XRCC4: variants seen among roughly 807,000 people sequenced by gnomAD.
XRCC4 encodes X-ray repair cross complementing 4, also known as DNA repair protein XRCC4.
In XRCC4, 28 loss-of-function variants were observed where a neutral mutation model predicts 39.1. That is an observed-to-expected ratio of 0.72 (90% CI 0.53 to 0.98). The LOEUF (loss-of-function observed/expected upper bound fraction) is 0.98. XRCC4 is among the 50% of genes least tolerant of loss of function. XRCC4 has a pLI of 0.00. For synonymous variants in XRCC4, 123 were observed against 126.4 expected (o/e 0.97, Z 0.18); for missense variants, 350 against 376.4 (o/e 0.93, Z 0.58).
At chr5:83,357,492 C>T (rs984355113), downstream of XRCC4, among the ~76,000 whole-genome samples, 2 of 151,670 alleles carry the variant, frequency 1.3e-5, no homozygotes, top group African/African-American at 2.4e-5. Flanking sequence ...CTATCTTCCT[C>T]GGATCACATG....
intron 3 of XRCC4, among the ~76,000 whole-genome samples, chr5:83,128,005 T>C (rs1025249645): frequency 1.3e-5 from 2 of 152,018 alleles, no homozygotes; most frequent in African/African-American, 4.8e-5. Flanking sequence ...TATTATACTT[T>C]AAGTTCTAGG....
chr5:83,106,810 A>G (rs1746221097), intron 2 of XRCC4, among the ~76,000 whole-genome samples: 1 of 152,056 alleles, frequency 6.6e-6, no homozygotes, highest in Non-Finnish European at 1.5e-5. Context: ...TACGAAATAC[A>G]TTCTCAATGA....
chr5:83,292,823 CTTAT>C (rs904423926), intron 7 of XRCC4, among the ~76,000 whole-genome samples: 5 of 151,344 alleles, frequency 3.3e-5, no homozygotes, highest in African/African-American at 1.2e-4. Flanking sequence ...ATGCATTTTT[CTTAT>C]TTATTTTCTA....
intron 3 of XRCC4, among the ~76,000 whole-genome samples, chr5:83,131,985 T>G (rs1032948675): frequency 4.6e-5 from 7 of 152,298 alleles, no homozygotes; most frequent in Admixed American, 4.6e-4. Context: ...TCGATGGTCT[T>G]TACAATTTGG....
chr5:83,165,779 C>T (rs1749437516), intron 3 of XRCC4, among the ~76,000 whole-genome samples: 1 of 152,028 alleles, frequency 6.6e-6, no homozygotes, highest in African/African-American at 2.4e-5. Flanking sequence ...GGATTATGGC[C>T]TCTGCTTCCA....
intron 6 of XRCC4, among the ~76,000 whole-genome samples, chr5:83,221,899 T>C (rs1276954810): frequency 6.6e-6 from 1 of 151,928 alleles, no homozygotes; most frequent in Non-Finnish European, 1.5e-5. Context: ...TATTGGTGAA[T>C]TGACTTTTTT....
At chr5:83,350,158 C>A (rs1180903708) in intron 7 of XRCC4, among the ~76,000 whole-genome samples, 1 of 152,076 alleles carries the variant, frequency 6.6e-6, no homozygotes, top group East Asian at 1.9e-4. Flanking sequence ...TTACCCAGTC[C>A]ACCAATTATG....
chr5:83,263,970 T>TG (rs1753862315), intron 7 of XRCC4, among the ~76,000 whole-genome samples: 2 of 152,162 alleles, frequency 1.3e-5, no homozygotes, highest in South Asian at 4.1e-4. Flanking sequence ...AGGGTTTTTA[T>TG]GGTTTTAGGT....
At chr5:83,273,379 C>G in intron 7 of XRCC4, among the ~76,000 whole-genome samples, 1 of 152,172 alleles carries the variant, frequency 6.6e-6, no homozygotes, top group East Asian at 1.9e-4. Flanking sequence ...GTTGCCTGTT[C>G]ACTCTGATGA....
downstream of XRCC4, chr5:83,356,677 G>A (rs1178529736): frequency 2.2e-6 from 1 of 452,966 alleles, no homozygotes. Flanking sequence ...AACATGTCCA[G>A]ATCCTATTAT....
intron 7 of XRCC4, among the ~76,000 whole-genome samples, chr5:83,323,692 A>AAAG (rs565627913): frequency 1.4e-4 from 22 of 151,922 alleles, no homozygotes; most frequent in African/African-American, 4.3e-4. Flanking sequence ...TTGAACAGTA[A>AAAG]AAGTAGTAAG....
intron 3 of XRCC4, among the ~76,000 whole-genome samples, chr5:83,124,479 T>TAA (rs1747163953): frequency 6.6e-6 from 1 of 152,172 alleles, no homozygotes; most frequent in South Asian, 2.1e-4. Context: ...AGTCTATTCT[T>TAA]ACCTCATGGA....
At chr5:83,332,989 A>C (rs1042783950) in intron 7 of XRCC4, among the ~76,000 whole-genome samples, 1 of 152,186 alleles carries the variant, frequency 6.6e-6, no homozygotes, top group Non-Finnish European at 1.5e-5. Context: ...TGACAATTAC[A>C]TACATAACAA....
Position 83,111,150 on chromosome 5 carries a change from T to A in XRCC4, c.262T>A (p.Phe88Ile). ...AGPADVYTFN[F>I]SKESCYFFFE... Reference sequence around the variant, plus strand: ...ACCAGCTGATGTATACACGTTTAATTTTTCTAAAGAGTCTTGTTATTTCTT... The same window carrying A: ...ACCAGCTGATGTATACACGTTTAATATTTCTAAAGAGTCTTGTTATTTCTT... Residue 88 changes from phenylalanine (F) to isoleucine (I), a missense_variant, in exon 3 of 8, where the codon TTT becomes ATT. Phe to Ile is a conservative substitution (Grantham distance 21). Transcript: ENST00000396027. The A allele has an allele frequency of 6.2e-7, 1 of 1,603,898 alleles. No homozygotes were observed. The highest frequency in any genetic ancestry group is 8.5e-7 in the Non-Finnish European group (1 of 1,176,552).
chr5:83,139,587 A>G (rs954325152), intron 3 of XRCC4, among the ~76,000 whole-genome samples: 2 of 152,196 alleles, frequency 1.3e-5, no homozygotes, highest in African/African-American at 4.8e-5. Context: ...ATGTTCTGAG[A>G]AATCTTCGTT....
At chr5:83,086,218 A>T (rs886170153) in intron 1 of XRCC4, among the ~76,000 whole-genome samples, 4 of 152,204 alleles carry the variant, frequency 2.6e-5, no homozygotes, top group African/African-American at 9.6e-5. Flanking sequence ...CGTACATTGT[A>T]ATTAGCTATA....
chr5:83,228,116 A>G (rs1309696037), intron 6 of XRCC4, among the ~76,000 whole-genome samples: 1 of 152,098 alleles, frequency 6.6e-6, no homozygotes, highest in Non-Finnish European at 1.5e-5. Flanking sequence ...TTAACCAAGT[A>G]ATGTCTTAGG....
chr5:83,182,326 C>G lies in XRCC4; in HGVS notation c.316-13444C>G, dbSNP rs186121898. Among the ~76,000 whole-genome samples, 4 of 152,260 alleles carry G rather than the reference C, an allele frequency of 2.6e-5. No individual in the cohort carries two copies. The East Asian group carries it at 7.7e-4, about 29-fold the overall frequency. On this transcript the variant is annotated intron_variant, in intron 3 of 7. Coordinates refer to ENST00000396027, the MANE Select transcript of XRCC4 (RefSeq NM_003401.5). ...CTTCAAATGAAGGTGCTCTCATGCT[C>G]ACTCACATAAATAAATATATAGTAT...
chr5:83,129,798 G>A (rs1184162358), intron 3 of XRCC4, among the ~76,000 whole-genome samples: 1 of 152,092 alleles, frequency 6.6e-6, no homozygotes, highest in African/African-American at 2.4e-5. Context: ...GAATGCTTGT[G>A]ATTTTTGTAC....
Sources: allele counts gnomAD v4.1 joint callset (sites outside exome capture counted in the v4.1 genomes callset), GRCh38; gene constraint gnomAD v4.1.1; transcripts MANE v1.5; gene names NCBI Gene and HGNC (gene_info 2026-07-23, HGNC 2026-07-21).